RABGAP1L: variants seen among roughly 807,000 people sequenced by gnomAD.
RABGAP1L encodes the protein RAB GTPase activating protein 1 like.
Under a neutral mutation model 137.7 loss-of-function variants are expected in RABGAP1L, and 63 were observed. The observed-to-expected ratio is 0.46, with a 90% CI of 0.37 to 0.56. The LOEUF is 0.56. RABGAP1L is among the 20% of genes least tolerant of loss of function. The probability of loss-of-function intolerance (pLI) is 0.00; values close to 1 mark genes in which losing one functional copy is unlikely to be tolerated. For synonymous variants in RABGAP1L, 431 were observed against 433.7 expected (o/e 0.99, Z 0.08); for missense variants, 1,095 against 1,244.0 (o/e 0.88, Z 1.80).
chr1:174,434,083 G>A (rs528698002), intron 13 of RABGAP1L, among the ~76,000 whole-genome samples: 1 of 147,886 alleles, frequency 6.8e-6, no homozygotes, highest in East Asian at 2.0e-4. Context: ...GTACATGTGT[G>A]CACATGAGCG....
intron 7 of RABGAP1L, among the ~76,000 whole-genome samples, chr1:174,261,017 C>G (rs56676222): frequency 0.075 from 11,414 of 151,430 alleles, 1,466 homozygotes; most frequent in African/African-American, 0.26. Context: ...TGAAGAGGTT[C>G]CAATAATGGT....
At chr1:174,967,320 C>T (rs1480156685) in intron 20 of RABGAP1L, among the ~76,000 whole-genome samples, 1 of 149,034 alleles carries the variant, frequency 6.7e-6, no homozygotes, top group Non-Finnish European at 1.5e-5. Flanking sequence ...CACACCACAC[C>T]ACCCAGCTAA....
chr1:174,465,028 A>G (rs564150501), intron 13 of RABGAP1L, among the ~76,000 whole-genome samples: 3 of 152,204 alleles, frequency 2.0e-5, no homozygotes, highest in South Asian at 4.2e-4. Context: ...CATAGGATCA[A>G]ATGTCCACCA....
intron 6 of RABGAP1L, among the ~76,000 whole-genome samples, chr1:174,250,902 G>A (rs550929071): frequency 1.6e-4 from 25 of 152,284 alleles, no homozygotes; most frequent in Non-Finnish European, 2.9e-4. Flanking sequence ...CTGGGTTCCA[G>A]TGATTCTCCT....
chr1:174,203,539 A>G (rs1668285315), intron 1 of RABGAP1L, among the ~76,000 whole-genome samples: 4 of 152,136 alleles, frequency 2.6e-5, no homozygotes, highest in Admixed American at 2.6e-4. Flanking sequence ...GTTGGGTAAC[A>G]TGGTGCCTTC....
intron 13 of RABGAP1L, among the ~76,000 whole-genome samples, chr1:174,631,426 G>C (rs1195828788): frequency 1.9e-5 from 2 of 106,360 alleles, no homozygotes; most frequent in African/African-American, 1.2e-4. Context: ...GTGCAGAGCT[G>C]AGTTCAATTC....
At chr1:174,765,871 C>T (rs58238388) in intron 18 of RABGAP1L, among the ~76,000 whole-genome samples, 20,079 of 152,014 alleles carry the variant, frequency 0.13, 4,459 homozygotes, top group African/African-American at 0.46. Context: ...GACTTTGATG[C>T]ATTTTGAGTT....
chr1:174,933,302 G>T (rs548300954), intron 19 of RABGAP1L, among the ~76,000 whole-genome samples: 3 of 152,070 alleles, frequency 2.0e-5, no homozygotes, highest in Non-Finnish European at 4.4e-5. Flanking sequence ...TCTTCACCCT[G>T]TTAAAATGCT....
intron 13 of RABGAP1L, among the ~76,000 whole-genome samples, chr1:174,505,222 A>C (rs1661709456): frequency 1.3e-5 from 2 of 152,170 alleles, no homozygotes; most frequent in Non-Finnish European, 2.9e-5. Flanking sequence ...GAGGAGCCTT[A>C]CCTTTCAGAT....
Position 174,562,674 on chromosome 1 carries a change from A to G in RABGAP1L, c.1711-74701A>G, listed in dbSNP as rs949794929. ...ATACACCACGGAATACTATTTAGCC[A>G]TAAAAAAGGATGAGTTCATGTCCTT... On this transcript the variant is annotated intron_variant, in intron 13 of 25. Coordinates refer to ENST00000681986, the MANE Select transcript of RABGAP1L (RefSeq NM_001366446.1). Among the ~76,000 whole-genome samples the G allele has an allele frequency of 6.8e-4, 103 of 152,332 alleles. 1 individual carries two copies. The highest frequency in any genetic ancestry group is 2.3e-3 in the African/African-American group (95 of 41,586).
chr1:174,848,772 G>T (rs1483510007), intron 19 of RABGAP1L, among the ~76,000 whole-genome samples: 112 of 149,656 alleles, frequency 7.5e-4, no homozygotes, highest in African/African-American at 1.5e-3. Context: ...CGAGCTTCCC[G>T]GCTGCTTTGT....
chr1:174,192,941 C>T (rs1667315000), intron 1 of RABGAP1L, among the ~76,000 whole-genome samples: 1 of 152,118 alleles, frequency 6.6e-6, no homozygotes, highest in Non-Finnish European at 1.5e-5. Context: ...TGCTTCAGAT[C>T]TGGACTGAAT....
intron 13 of RABGAP1L, among the ~76,000 whole-genome samples, chr1:174,456,480 T>G (rs939340923): frequency 2.0e-5 from 3 of 152,090 alleles, no homozygotes; most frequent in African/African-American, 7.2e-5. Context: ...TGTTGAGTCA[T>G]CATCGGTTGG....
At chr1:174,551,249 C>T (rs78642899) in intron 13 of RABGAP1L, among the ~76,000 whole-genome samples, 5,250 of 151,170 alleles carry the variant, frequency 0.035, 122 homozygotes, top group Middle Eastern at 0.088. Context: ...CTCTACCCAA[C>T]AAGAGTAGAA....
At chr1:174,957,830 A>G in intron 20 of RABGAP1L, 2 of 1,424,302 alleles carry the variant, frequency 1.4e-6, no homozygotes, top group Non-Finnish European at 1.9e-6. Flanking sequence ...CTAACTGTCC[A>G]GGTATGTTTT....
chr1:174,453,074 T>C, intron 13 of RABGAP1L, among the ~76,000 whole-genome samples: 1 of 152,226 alleles, frequency 6.6e-6, no homozygotes, highest in Non-Finnish European at 1.5e-5. Flanking sequence ...GGAATAGTTA[T>C]TCATGAAGAC....
At chr1:174,928,517 G>C (rs555647947) in intron 19 of RABGAP1L, among the ~76,000 whole-genome samples, 3 of 151,980 alleles carry the variant, frequency 2.0e-5, no homozygotes, top group African/African-American at 7.2e-5. Flanking sequence ...AAAAGAGAAA[G>C]GGATTATTCC....
chr1:174,938,087 A>G (rs1665214081), intron 19 of RABGAP1L, among the ~76,000 whole-genome samples: 1 of 140,924 alleles, frequency 7.1e-6, no homozygotes, highest in African/African-American at 2.6e-5. Context: ...AAATAATTTT[A>G]CATATGTATT....
At chr1:174,244,922 G>GT (rs1672131323) in intron 5 of RABGAP1L, 1 of 152,262 alleles carries the variant, frequency 6.6e-6, no homozygotes, top group Middle Eastern at 3.4e-3. Context: ...ATGGAAGCAT[G>GT]TTTTTTGTCA....
Sources: gnomAD v4.1 joint callset for allele counts (sites outside exome capture counted in the v4.1 genomes callset) on GRCh38, gnomAD v4.1.1 for gene constraint, MANE v1.5 for transcripts, NCBI Gene and HGNC (gene_info 2026-07-23, HGNC 2026-07-21) for gene names.